FMN1: variants seen among roughly 807,000 people sequenced by gnomAD.
FMN1 encodes formin 1.
A neutral mutation model predicts 132.4 loss-of-function variants in FMN1; 110 were observed. The ratio of observed to expected loss-of-function variants is 0.83; its 90% CI spans 0.71 to 0.97. The LOEUF (loss-of-function observed/expected upper bound fraction) is 0.97. FMN1 is among the 50% of genes least tolerant of loss of function. The probability of loss-of-function intolerance (pLI) is 0.00; values close to 1 mark genes in which losing one functional copy is unlikely to be tolerated. For missense variants in FMN1, 1,792 were observed against 1,705.3 expected (o/e 1.05, Z -0.90); for synonymous variants, 722 against 651.7 (o/e 1.11, Z -1.64).
intron 4 of FMN1, among the ~76,000 whole-genome samples, chr15:33,113,312 T>C (rs1192519141): frequency 6.6e-6 from 1 of 152,214 alleles, no homozygotes; most frequent in Non-Finnish European, 1.5e-5. Context: ...GCCATGTATT[T>C]GTAACGTAGG....
chr15:33,021,205 C>A (rs1453819481), intron 6 of FMN1, among the ~76,000 whole-genome samples: 4 of 152,120 alleles, frequency 2.6e-5, no homozygotes, highest in African/African-American at 9.7e-5. Flanking sequence ...CAAGAACAGC[C>A]TGAAAAAGCC....
At chr15:33,076,517 G>A (rs2141300317) in intron 5 of FMN1, among the ~76,000 whole-genome samples, 1 of 152,250 alleles carries the variant, frequency 6.6e-6, no homozygotes, top group African/African-American at 2.4e-5. Flanking sequence ...TAGGGAAGGT[G>A]GGGATTTACC....
intron 17 of FMN1, among the ~76,000 whole-genome samples, chr15:32,843,456 T>C (rs2058790209): frequency 6.6e-6 from 1 of 152,212 alleles, no homozygotes; most frequent in African/African-American, 2.4e-5. Flanking sequence ...TATATTATGT[T>C]AGCAATTAGG....
intron 7 of FMN1, among the ~76,000 whole-genome samples, chr15:33,007,130 T>C (rs1457221765): frequency 6.6e-6 from 1 of 152,196 alleles, no homozygotes. Flanking sequence ...TAGCTCAATT[T>C]AGTTACTCCA....
chr15:33,115,585 A>G (rs815481), intron 4 of FMN1, among the ~76,000 whole-genome samples: 98,895 of 149,470 alleles, frequency 0.66, 33,933 homozygotes, highest in East Asian at 0.8. Context: ...TATCTTTTAC[A>G]TTCAAATAAT....
intron 6 of FMN1, among the ~76,000 whole-genome samples, chr15:33,055,128 A>G (rs2037158387): frequency 6.6e-6 from 1 of 152,166 alleles, no homozygotes; most frequent in African/African-American, 2.4e-5. Context: ...AGTCTGATAA[A>G]CATCTATAAT....
intron 2 of FMN1, among the ~76,000 whole-genome samples, chr15:33,189,738 A>G (rs983816837): frequency 2.0e-5 from 3 of 152,186 alleles, no homozygotes; most frequent in Non-Finnish European, 4.4e-5. Flanking sequence ...TCATTTACCT[A>G]CTTCACAGAG....
intron 6 of FMN1, among the ~76,000 whole-genome samples, chr15:33,056,694 C>T (rs1168492089): frequency 6.6e-6 from 1 of 152,198 alleles, no homozygotes; most frequent in Admixed American, 6.5e-5. Flanking sequence ...AAACTTTGAA[C>T]AACATCAGTG....
At chr15:33,110,957 TATG>T (rs1324554750) in intron 4 of FMN1, among the ~76,000 whole-genome samples, 3 of 152,144 alleles carry the variant, frequency 2.0e-5, no homozygotes, top group Non-Finnish European at 4.4e-5. Context: ...GTACAGCAAT[TATG>T]ATAATTATTC....
chr15:32,984,510 T>C (rs531937211), intron 7 of FMN1, among the ~76,000 whole-genome samples: 1 of 152,084 alleles, frequency 6.6e-6, no homozygotes, highest in Non-Finnish European at 1.5e-5. Context: ...ATATTTTTCA[T>C]GGGGAGAGAA....
intron 6 of FMN1, among the ~76,000 whole-genome samples, chr15:33,043,749 C>A (rs1023324946): frequency 6.6e-6 from 1 of 152,218 alleles, no homozygotes; most frequent in African/African-American, 2.4e-5. Context: ...ATGCTCCATG[C>A]AGCCAGTGGG....
At chr15:33,131,382 T>A (rs1244269025) in intron 4 of FMN1, among the ~76,000 whole-genome samples, 6 of 146,876 alleles carry the variant, frequency 4.1e-5, no homozygotes, top group African/African-American at 1.5e-4. Context: ...CAGATGTGCA[T>A]GGTTATTATT....
chr15:32,976,162 C>CA (rs2140723897), intron 7 of FMN1, among the ~76,000 whole-genome samples: 1 of 152,278 alleles, frequency 6.6e-6, no homozygotes, highest in African/African-American at 2.4e-5. Flanking sequence ...TTAAGTCAGT[C>CA]AGTCTTTTCC....
chr15:32,989,871 G>C (rs529649652), intron 7 of FMN1, among the ~76,000 whole-genome samples: 1 of 152,212 alleles, frequency 6.6e-6, no homozygotes, highest in East Asian at 1.9e-4. Context: ...TGAGGTTTTT[G>C]GCCTAGACTT....
chr15:32,938,306 A>G (rs1387698927), intron 9 of FMN1, among the ~76,000 whole-genome samples: 1 of 152,110 alleles, frequency 6.6e-6, no homozygotes, highest in South Asian at 2.1e-4. Context: ...AGGTGGGTGG[A>G]TCACTTGAGG....
At position 33,077,632 on chromosome 15, in the gene FMN1, T is replaced by G. The variant is rs533999113; in HGVS notation, c.2043+11167A>C. Among the ~76,000 whole-genome samples the G allele has an allele frequency of 3.3e-5, 5 of 151,984 alleles. No homozygotes were observed. The East Asian group carries it at 9.7e-4, about 29-fold the overall frequency. Reference sequence around the variant, plus strand: ...ATGCAGTGTTTGGTTTTTTTCTCCTTGCAACAGTTTGCTGAGAATGATGGT... The same window carrying G: ...ATGCAGTGTTTGGTTTTTTTCTCCTGGCAACAGTTTGCTGAGAATGATGGT... On this transcript the variant is annotated intron_variant, in intron 5 of 20. Transcript: ENST00000616417.
chr15:32,808,941 T>C (rs532486786), intron 17 of FMN1, among the ~76,000 whole-genome samples: 2 of 152,024 alleles, frequency 1.3e-5, no homozygotes, highest in African/African-American at 4.8e-5. Context: ...CTGATGTCCT[T>C]AGCATGGCCT....
chr15:33,175,428 A>G (rs1965482585), intron 3 of FMN1, among the ~76,000 whole-genome samples: 3 of 152,148 alleles, frequency 2.0e-5, no homozygotes, highest in Non-Finnish European at 4.4e-5. Flanking sequence ...AGGTTATTTC[A>G]AGGGAAAGAA....
At chr15:32,923,398 A>G (rs2060881395) in intron 10 of FMN1, among the ~76,000 whole-genome samples, 1 of 152,238 alleles carries the variant, frequency 6.6e-6, no homozygotes, top group Admixed American at 6.5e-5. Flanking sequence ...GTGTCAGTCA[A>G]TGACTCCAAA....
Sources: allele counts gnomAD v4.1 joint callset (sites outside exome capture counted in the v4.1 genomes callset), GRCh38; gene constraint gnomAD v4.1.1; transcripts MANE v1.5; gene names NCBI Gene and HGNC (gene_info 2026-07-23, HGNC 2026-07-21).